TRPM3: variants seen among roughly 807,000 people sequenced by gnomAD.
TRPM3 encodes the protein long transient receptor potential channel 3.
In TRPM3, 77 loss-of-function variants were observed where a neutral mutation model predicts 181.2. The ratio of observed to expected loss-of-function variants is 0.42; its 90% confidence interval spans 0.35 to 0.51. The LOEUF (loss-of-function observed/expected upper bound fraction) is 0.51, where lower values mean the gene tolerates loss of function less well. Among genes scored for constraint, TRPM3 ranks in the 20% least tolerant of loss-of-function variants. The pLI is 0.01. For synonymous variants in TRPM3, 745 were observed against 796.4 expected, an observed-to-expected ratio of 0.94 and a Z score of 1.09; for missense variants, 1,759 against 2,196.7, an observed-to-expected ratio of 0.80 and a Z score of 3.98.
At chr9:70,857,607 C>T (rs2095420427) in intron 3 of TRPM3, among the ~76,000 whole-genome samples, 1 of 152,144 alleles carries the variant, frequency 6.6e-6, no homozygotes, top group South Asian at 2.1e-4. Context: ...TCTAATATAG[C>T]CTGTGCTAGG....
intron 6 of TRPM3, among the ~76,000 whole-genome samples, chr9:70,789,154 A>G (rs1287176643): frequency 1.3e-5 from 2 of 152,216 alleles, no homozygotes; most frequent in East Asian, 3.8e-4. Flanking sequence ...TCACAATCTT[A>G]CAAATTAGAA....
rs538872482 is a variant in TRPM3 at position 70,879,822 on chromosome 9, G to A, written c.178-15311C>T. Among the ~76,000 whole-genome samples, 28 of 152,174 alleles carry A rather than the reference G, an allele frequency of 1.8e-4. No individual in the cohort carries two copies. In the South Asian group the frequency reaches 1.9e-3, roughly 10 times the overall value. ...AATATTGGGACAAATGTAACTGACC[G>A]TCTCTTAAAGCACTGTCATTGAATT... On this transcript the variant is annotated intron_variant, in intron 1 of 25. Coordinates refer to ENST00000677713, the MANE Select transcript of TRPM3 (RefSeq NM_001366145.2).
intron 8 of TRPM3, among the ~76,000 whole-genome samples, chr9:70,699,492 GA>G (rs1460598821): frequency 2.6e-5 from 4 of 152,286 alleles, no homozygotes; most frequent in Admixed American, 2.6e-4. Context: ...AATCAAGCTA[GA>G]AAGCAAGTCT....
Position 71,167,436 on chromosome 9 carries a change from C to T in TRPM3, c.183+279217G>A, listed in dbSNP as rs1321350739. On this transcript the variant is annotated intron_variant, in intron 1 of 24. Transcript: ENST00000357533. ...GTGAACTTACCAGAATAATGCCTGCCTCATTCACACAACCAATCAAACAAC... is the reference window on the plus strand; with the variant it reads ...GTGAACTTACCAGAATAATGCCTGCTTCATTCACACAACCAATCAAACAAC... Among the ~76,000 whole-genome samples the T allele has an allele frequency of 2.6e-5, 4 of 152,162 alleles. No individual in the cohort carries two copies. The East Asian group carries it at 5.8e-4, about 22-fold the overall frequency.
chr9:71,418,823 A>ATG (rs2093679363), intron 1 of TRPM3, among the ~76,000 whole-genome samples: 2 of 115,156 alleles, frequency 1.7e-5, no homozygotes, highest in Admixed American at 9.0e-5. Context: ...CTATATATAT[A>ATG]TATATCCTTT....
At chr9:70,760,358 C>T (rs2077886006) in intron 8 of TRPM3, among the ~76,000 whole-genome samples, 1 of 150,222 alleles carries the variant, frequency 6.7e-6, no homozygotes, top group Non-Finnish European at 1.5e-5. Context: ...GCTTCAGTGC[C>T]TCCCTGGATA....
chr9:70,846,766 T>C (rs112616956), intron 3 of TRPM3, among the ~76,000 whole-genome samples, 175 bp from the exon 4 acceptor site: 5 of 152,276 alleles, frequency 3.3e-5, no homozygotes, highest in South Asian at 2.1e-4. Context: ...TTAGACAGAG[T>C]TCATATTTTT....
At chr9:70,855,007 G>A (rs1040007085) in intron 3 of TRPM3, among the ~76,000 whole-genome samples, 1 of 152,194 alleles carries the variant, frequency 6.6e-6, no homozygotes, top group Non-Finnish European at 1.5e-5. Context: ...CATTCAAATG[G>A]CAGAGGGCAT....
chr9:71,162,218 A>AAAG (rs1554837331), intron 1 of TRPM3, among the ~76,000 whole-genome samples: 337 of 147,030 alleles, frequency 2.3e-3, no homozygotes, highest in African/African-American at 3.6e-3. Flanking sequence ...AAAAAAAAAA[A>AAAG]AAGAAGAAAA....
chr9:70,595,053 T>A (rs1415994570), intron 21 of TRPM3, among the ~76,000 whole-genome samples: 1 of 152,194 alleles, frequency 6.6e-6, no homozygotes, highest in African/African-American at 2.4e-5. Flanking sequence ...AGTTAAAAGG[T>A]AGAGAAAATG....
intron 1 of TRPM3, among the ~76,000 whole-genome samples, chr9:71,418,892 A>G (rs1297224096): frequency 8.2e-6 from 1 of 121,656 alleles, no homozygotes; most frequent in East Asian, 2.3e-4. Flanking sequence ...ATATACACAC[A>G]TATATATGTG....
rs1588061349 is a variant in TRPM3, at chr9:71,231,094, T to C, written c.183+215559A>G. ...TACAATATACACACAATATACATAC[T>C]GATGTAGGCTGAATTATGATCCCCT... On this transcript the variant is annotated intron_variant, in intron 1 of 24. Transcript: ENST00000357533. 4.6e-5 allele frequency among the ~76,000 whole-genome samples: 7 copies of C among 152,290 alleles called. No individual in the cohort carries two copies. In the East Asian group the frequency reaches 1.2e-3, roughly 25 times the overall value.
intron 1 of TRPM3, among the ~76,000 whole-genome samples, chr9:71,422,485 G>C (rs2093794878): frequency 6.6e-6 from 1 of 151,980 alleles, no homozygotes. Flanking sequence ...ATGCCCCCTT[G>C]ACCACATGCC....
intron 22 of TRPM3, among the ~76,000 whole-genome samples, chr9:70,584,080 C>T (rs908260448): frequency 4.6e-5 from 7 of 152,080 alleles, no homozygotes; most frequent in African/African-American, 1.7e-4. Context: ...TGCTCTGTTG[C>T]CCAGGCTAGA....
chr9:71,311,629 G>T (rs2087945382), intron 1 of TRPM3, among the ~76,000 whole-genome samples: 1 of 151,910 alleles, frequency 6.6e-6, no homozygotes, highest in Admixed American at 6.6e-5. Flanking sequence ...ATGAGTCATA[G>T]ATCTCAATGT....
intron 9 of TRPM3, among the ~76,000 whole-genome samples, chr9:70,661,047 T>C (rs1431767757): frequency 8.6e-5 from 13 of 151,940 alleles, no homozygotes; most frequent in Admixed American, 8.5e-4. Flanking sequence ...AAAATACTAG[T>C]GAACTAAATC....
chr9:71,258,308 C>T lies in TRPM3; in HGVS notation c.183+188345G>A, dbSNP rs1039697976. On this transcript the variant is annotated intron_variant, in intron 1 of 24. Coordinates refer to the TRPM3 transcript ENST00000357533. ...TGGTTGGAAAGGCTGGGACTTGAAC[C>T]CAGGTAGCCTGGCTCCAGCATCTGA... is the stretch of plus-strand genomic sequence containing the variant. Among the ~76,000 whole-genome samples the T allele has an allele frequency of 9.2e-5, 14 of 152,218 alleles. No individual in the cohort carries two copies. In the South Asian group the frequency reaches 2.7e-3, roughly 29 times the overall value.
intron 1 of TRPM3, among the ~76,000 whole-genome samples, chr9:71,277,893 G>A (rs1011448828): frequency 2.1e-4 from 24 of 114,682 alleles, no homozygotes; most frequent in Non-Finnish European, 5.2e-4. Flanking sequence ...TCAGAGAGTA[G>A]AACTGTAAAG....
intron 1 of TRPM3, among the ~76,000 whole-genome samples, chr9:71,029,776 T>C (rs1319122235): frequency 1.3e-5 from 2 of 152,172 alleles, no homozygotes; most frequent in East Asian, 3.8e-4. Flanking sequence ...TATAGATATG[T>C]GCTCAAATGC....
Sources: allele counts gnomAD v4.1 joint callset (sites outside exome capture counted in the v4.1 genomes callset), GRCh38; gene constraint gnomAD v4.1.1; transcripts MANE v1.5; gene names NCBI Gene and HGNC (gene_info 2026-07-23, HGNC 2026-07-21).